CYTIP: variants seen among roughly 807,000 people sequenced by gnomAD.
CYTIP encodes the protein cytohesin 1 interacting protein.
In CYTIP, 26 loss-of-function variants were observed where a neutral mutation model predicts 43.8. That is an observed-to-expected ratio of 0.59 (90% CI 0.44 to 0.82). CYTIP has a LOEUF of 0.82. Ranked by LOEUF, CYTIP falls within the 40% of genes least tolerant of loss-of-function variation. CYTIP has a pLI of 0.00. For synonymous variants in CYTIP, 162 were observed against 162.9 expected, an observed-to-expected ratio of 0.99 and a Z score of 0.04; for missense variants, 426 against 443.1, an observed-to-expected ratio of 0.96 and a Z score of 0.35.
rs141519910 is a variant in CYTIP at position 157,415,967 on chromosome 2, A to G, written c.790T>C (p.Cys264Arg). 7 of 1,614,196 alleles carry G rather than the reference A, an allele frequency of 4.3e-6. No individual in the cohort carries two copies. The highest frequency in any genetic ancestry group is 5.9e-6 in the Non-Finnish European group (7 of 1,180,010). Reference sequence around the variant, plus strand: ...CCCCTGCTGGAGTCCTCAGACACACACGTCTGGTAGCCATCTTCACTGTCC... The same window carrying G: ...CCCCTGCTGGAGTCCTCAGACACACGCGTCTGGTAGCCATCTTCACTGTCC... ...TMDSEDGYQTCVSEDSSRGAF... is the reference protein window; with the variant it reads ...TMDSEDGYQTRVSEDSSRGAF... The change falls in exon 8 of 8, where the codon TGT becomes CGT. Residue 264 changes from cysteine (C) to arginine (R), a missense_variant. Physicochemically the swap from Cys to Arg is radical, Grantham distance 180. Coordinates refer to ENST00000264192, the MANE Select transcript of CYTIP (RefSeq NM_004288.5).
At chr2:157,437,144 A>C (rs190057381) in intron 1 of CYTIP, among the ~76,000 whole-genome samples, 2 of 152,168 alleles carry the variant, frequency 1.3e-5, no homozygotes, top group Admixed American at 1.3e-4. Flanking sequence ...AGGCTTTAGC[A>C]TATTGGATTG....
intron 5 of CYTIP, among the ~76,000 whole-genome samples, chr2:157,429,508 A>G (rs947110423): frequency 1.2e-4 from 18 of 152,218 alleles, no homozygotes; most frequent in African/African-American, 4.3e-4. Flanking sequence ...GGCTTTTCTG[A>G]GCCATTTCCT....
chr2:157,430,244 C>A (rs2105140340), intron 5 of CYTIP, among the ~76,000 whole-genome samples: 1 of 152,178 alleles, frequency 6.6e-6, no homozygotes, highest in East Asian at 1.9e-4. Context: ...TGGATCAGTT[C>A]TTCCCAGTTT....
intron 6 of CYTIP, among the ~76,000 whole-genome samples, chr2:157,421,251 G>A (rs1685518450): frequency 6.6e-6 from 1 of 152,334 alleles, no homozygotes; most frequent in South Asian, 2.1e-4. Context: ...TCACCTCACT[G>A]TGCCTAGTTC....
In CYTIP at chr2:157,429,995, C is replaced by T. The variant is rs527410896; in HGVS notation, c.476+564G>A. Among the ~76,000 whole-genome samples the T allele has an allele frequency of 9.3e-5, 14 of 149,900 alleles. No homozygotes were observed. In the East Asian group the frequency reaches 2.4e-3, roughly 25 times the overall value. On this transcript the variant is annotated intron_variant, in intron 5 of 7. Transcript: ENST00000264192. ...CCAAGATCGCGCCACTGCACTCCAT[C>T]CAGGGCGACAGAGCGAGACTCCGTC...
At chr2:157,433,727 G>T (rs558610938) in intron 3 of CYTIP, among the ~76,000 whole-genome samples, 5 of 152,268 alleles carry the variant, frequency 3.3e-5, no homozygotes, top group Non-Finnish European at 7.4e-5. Context: ...AAATTCTTAG[G>T]CAATTATGCT....
intron 7 of CYTIP, among the ~76,000 whole-genome samples, 179 bp from the exon 8 acceptor site, chr2:157,416,322 G>T (rs1685440230): frequency 6.6e-6 from 1 of 152,146 alleles, no homozygotes; most frequent in Non-Finnish European, 1.5e-5. Flanking sequence ...AAACCTTATA[G>T]TAGGGTTTCC....
At position 157,434,595 on chromosome 2, in the gene CYTIP, TAGAG is replaced by T. The variant is rs70987792; in HGVS notation, c.224+99_224+102del. ...GTGTGTGTGCGTCTGTGTGTGTGCG[TAGAG>T]AGAGAGAGAGAGAGAGAGGAAGAGA... On this transcript the variant is annotated intron_variant, in intron 2 of 7. Transcript: ENST00000264192. The T allele has an allele frequency of 2.0e-3, 1,440 of 703,948 alleles. 1 individual carries two copies. Among genetic ancestry groups the T allele is most frequent in the East Asian group, 0.012 (439 of 35,246 alleles). The allele number at this position is 703,948 out of a possible 1,614,324, so 43.6% of individuals were successfully genotyped here.
intron 5 of CYTIP, among the ~76,000 whole-genome samples, chr2:157,428,840 A>G (rs918599958): frequency 2.6e-5 from 4 of 152,124 alleles, no homozygotes; most frequent in Non-Finnish European, 5.9e-5. Context: ...TCTCACAAAC[A>G]CCCAAAGCAT....
Position 157,431,126 on chromosome 2 carries a change from CCAGA to C in CYTIP, c.280-168_280-165del, listed in dbSNP as rs1199076380. Among the ~76,000 whole-genome samples the C allele has an allele frequency of 4.6e-5, 7 of 152,256 alleles. No individual in the cohort carries two copies. The East Asian group carries it at 7.7e-4, about 17-fold the overall frequency. On this transcript the variant is annotated intron_variant, in intron 3 of 7. Coordinates refer to ENST00000264192, the MANE Select transcript of CYTIP (RefSeq NM_004288.5). The stretch of plus-strand genomic sequence containing the variant: ...TCAAGGTATCAATTTTGCAATTCTA[CCAGA>C]CAATCTGTAGCCAACTCCATTCATA...
At chr2:157,435,488 A>G (rs775495476) in intron 1 of CYTIP, among the ~76,000 whole-genome samples, 8 of 152,208 alleles carry the variant, frequency 5.3e-5, no homozygotes. Context: ...TATCACCTTC[A>G]TTCCTCTGCA....
chr2:157,436,047 G>A (rs1326974526), intron 1 of CYTIP, among the ~76,000 whole-genome samples: 1 of 152,150 alleles, frequency 6.6e-6, no homozygotes, highest in East Asian at 1.9e-4. Flanking sequence ...TAATGGAGAG[G>A]TGGTCTCTTC....
intron 6 of CYTIP, among the ~76,000 whole-genome samples, chr2:157,420,368 T>C (rs1376922184): frequency 6.6e-6 from 1 of 151,906 alleles, no homozygotes; most frequent in Non-Finnish European, 1.5e-5. Context: ...ATACAAAAAT[T>C]AGCTGGGTGT....
chr2:157,431,049 A>G (rs1315895891), intron 3 of CYTIP, 87 bp from the exon 4 acceptor site: 31 of 1,066,882 alleles, frequency 2.9e-5, no homozygotes, highest in Non-Finnish European at 3.8e-5. Context: ...ATTATCATTA[A>G]GCAGTATAAT....
intron 1 of CYTIP, among the ~76,000 whole-genome samples, chr2:157,437,678 G>A (rs1232773257): frequency 6.6e-5 from 8 of 121,374 alleles, no homozygotes; most frequent in African/African-American, 1.6e-4. Flanking sequence ...CCAGCCTGGC[G>A]ACAGAGTGAG....
At chr2:157,437,135 G>C (rs155590) in intron 1 of CYTIP, among the ~76,000 whole-genome samples, 3 of 152,072 alleles carry the variant, frequency 2.0e-5, no homozygotes, top group African/African-American at 7.2e-5. Context: ...ATAGGGGAAA[G>C]GCTTTAGCAT....
chr2:157,425,156 A>G (rs1261964262), intron 6 of CYTIP, among the ~76,000 whole-genome samples: 1 of 152,218 alleles, frequency 6.6e-6, no homozygotes, highest in African/African-American at 2.4e-5. Flanking sequence ...AGACAAAAAT[A>G]TTAAAGGAGT....
Position 157,416,064 on chromosome 2 carries a change from G to T in CYTIP, c.693C>A (p.Gly231=). Residue 231 remains glycine (G), a synonymous_variant, in exon 8 of 8, where the codon GGC becomes GGA. Coordinates refer to ENST00000264192, the MANE Select transcript of CYTIP (RefSeq NM_004288.5). The part of the protein sequence containing the change: ...LSLFGPLPGP[G]PALVDRNRLS... ...ATCGATTCCGGTCCACAAGGGCTGG[G>T]CCTGGCCCAGGCAGGGGTCCAAACA... The T allele has an allele frequency of 6.2e-7, 1 of 1,614,198 alleles. No homozygotes were observed.
chr2:157,441,751 G>A (rs1685922627), intron 1 of CYTIP, among the ~76,000 whole-genome samples: 1 of 152,108 alleles, frequency 6.6e-6, no homozygotes, highest in South Asian at 2.1e-4. Context: ...AAAACCAGAT[G>A]TGACTCCTCC....
Sources: gnomAD v4.1 joint callset for allele counts (sites outside exome capture counted in the v4.1 genomes callset) on GRCh38, gnomAD v4.1.1 for gene constraint, MANE v1.5 for transcripts, NCBI Gene and HGNC (gene_info 2026-07-23, HGNC 2026-07-21) for gene names.